The following ASIC2 variants were observed in gnomAD, a reference collection of about 807,000 sequenced individuals.
ASIC2 encodes acid sensing ion channel subunit 2.
In ASIC2, 25 loss-of-function variants were observed where a neutral mutation model predicts 57.3. That is an observed-to-expected ratio of 0.44 (90% CI 0.32 to 0.61). ASIC2 has a LOEUF of 0.61. ASIC2 is among the 20% of genes least tolerant of loss of function. The pLI, the probability that ASIC2 is intolerant of heterozygous loss-of-function variation, is 0.06. For missense variants in ASIC2, 641 were observed against 738.1 expected (o/e 0.87, Z 1.52); for synonymous variants, 319 against 307.5 (o/e 1.04, Z -0.39).
intron 1 of ASIC2, among the ~76,000 whole-genome samples, chr17:33,238,793 C>G (rs778773739): frequency 2.0e-4 from 30 of 152,292 alleles, no homozygotes; most frequent in Middle Eastern, 3.4e-3. Flanking sequence ...CACTTGAGAT[C>G]AGGAGTTTGA....
chr17:33,279,020 G>A (rs1904830215), intron 1 of ASIC2, among the ~76,000 whole-genome samples: 1 of 152,184 alleles, frequency 6.6e-6, no homozygotes, highest in Non-Finnish European at 1.5e-5. Context: ...AGGGTGGAAA[G>A]CATCCCTTTG....
intron 1 of ASIC2, among the ~76,000 whole-genome samples, chr17:33,224,611 G>A (rs1597638705): frequency 1.3e-5 from 2 of 152,140 alleles, no homozygotes; most frequent in South Asian, 4.1e-4. Flanking sequence ...GAGGAGGGGA[G>A]GAAAGTGCCT....
chr17:33,675,239 A>G (rs1907781605), intron 1 of ASIC2, among the ~76,000 whole-genome samples: 1 of 152,100 alleles, frequency 6.6e-6, no homozygotes, highest in Non-Finnish European at 1.5e-5. Flanking sequence ...TCTACCTGAA[A>G]TCTTCCTCTT....
At chr17:34,079,133 C>T (rs1340378573) in intron 1 of ASIC2, 2 of 152,210 alleles carry the variant, frequency 1.3e-5, no homozygotes, top group African/African-American at 2.4e-5. Flanking sequence ...CAGAGTGATA[C>T]TTCTAAAATG....
intron 3 of ASIC2, among the ~76,000 whole-genome samples, chr17:33,033,366 A>T (rs1298551511): frequency 6.6e-6 from 1 of 152,108 alleles, no homozygotes; most frequent in Admixed American, 6.5e-5. Context: ...TGCAGCTGCA[A>T]CTGCGGCACC....
chr17:33,688,180 G>A (rs1908254443), intron 1 of ASIC2, among the ~76,000 whole-genome samples: 1 of 152,130 alleles, frequency 6.6e-6, no homozygotes, highest in Non-Finnish European at 1.5e-5. Context: ...TAGTTCAAAT[G>A]GTTTCATCCT....
intron 1 of ASIC2, among the ~76,000 whole-genome samples, chr17:33,763,737 G>T (rs1172720954): frequency 6.6e-6 from 1 of 152,196 alleles, no homozygotes; most frequent in Non-Finnish European, 1.5e-5. Context: ...GAGTGAGTGA[G>T]GATGGTGCTG....
At chr17:33,538,597 CCACCTTCTACTCTGTAT>C (rs1915312087) in intron 1 of ASIC2, among the ~76,000 whole-genome samples, 1 of 152,224 alleles carries the variant, frequency 6.6e-6, no homozygotes, top group African/African-American at 2.4e-5. Context: ...ACTGTCTATT[CCACCTTCTACTCTGTAT>C]CACCTCATGT....
intron 1 of ASIC2, among the ~76,000 whole-genome samples, chr17:33,667,906 C>T (rs1907526721): frequency 6.6e-6 from 1 of 152,144 alleles, no homozygotes; most frequent in Admixed American, 6.5e-5. Context: ...TGGCCTGTTG[C>T]CACACACAAC....
At chr17:33,148,067 A>C (rs1904636728) in intron 1 of ASIC2, among the ~76,000 whole-genome samples, 3 of 152,344 alleles carry the variant, frequency 2.0e-5, no homozygotes, top group Middle Eastern at 3.4e-3. Flanking sequence ...TTAAGACAAC[A>C]AATCAAGCAT....
chr17:33,816,433 T>G (rs151237341), intron 1 of ASIC2, among the ~76,000 whole-genome samples: 3 of 152,334 alleles, frequency 2.0e-5, no homozygotes, highest in African/African-American at 7.2e-5. Context: ...CATGTAATTC[T>G]GGCAACATTG....
chr17:33,644,370 G>T (rs563030376), intron 1 of ASIC2, among the ~76,000 whole-genome samples: 6 of 152,050 alleles, frequency 3.9e-5, no homozygotes, highest in Non-Finnish European at 8.8e-5. Context: ...TTCAATTTCA[G>T]TTTCTCTTTT....
intron 1 of ASIC2, among the ~76,000 whole-genome samples, chr17:33,127,262 C>T (rs2092327549): frequency 6.6e-6 from 1 of 152,168 alleles, no homozygotes; most frequent in Non-Finnish European, 1.5e-5. Context: ...AAGTCAGGGG[C>T]AGACGTGGGA....
At chr17:33,348,970 A>G (rs1908058348) in intron 1 of ASIC2, among the ~76,000 whole-genome samples, 1 of 152,122 alleles carries the variant, frequency 6.6e-6, no homozygotes, top group African/African-American at 2.4e-5. Context: ...CAAATCCACT[A>G]GGGATCCTGT....
chr17:34,132,853 A>G (rs1336271482), intron 1 of ASIC2, among the ~76,000 whole-genome samples: 1 of 152,194 alleles, frequency 6.6e-6, no homozygotes, highest in Non-Finnish European at 1.5e-5. Context: ...CCATACTTCA[A>G]CCATCCATCC....
intron 1 of ASIC2, among the ~76,000 whole-genome samples, chr17:33,815,111 G>A (rs1912538121): frequency 6.6e-6 from 1 of 152,082 alleles, no homozygotes; most frequent in South Asian, 2.1e-4. Context: ...TGTGAGTGTG[G>A]GTTAAATATG....
At chr17:33,780,496 A>G (rs1324415420) in intron 1 of ASIC2, among the ~76,000 whole-genome samples, 3 of 151,986 alleles carry the variant, frequency 2.0e-5, no homozygotes, top group African/African-American at 7.3e-5. Flanking sequence ...CACTACACCT[A>G]CTCCAGGTGT....
intron 1 of ASIC2, among the ~76,000 whole-genome samples, chr17:33,502,628 C>T (rs1472459261): frequency 1.3e-5 from 2 of 152,180 alleles, no homozygotes. Flanking sequence ...TGTGTCCAGG[C>T]TCACATCAGG....
intron 1 of ASIC2, among the ~76,000 whole-genome samples, chr17:33,327,086 C>T (rs1283477361): frequency 6.6e-6 from 1 of 152,208 alleles, no homozygotes; most frequent in Non-Finnish European, 1.5e-5. Flanking sequence ...TGCTATTCAA[C>T]AGGGAGCCTT....
Sources: allele counts gnomAD v4.1 joint callset (sites outside exome capture counted in the v4.1 genomes callset), GRCh38; gene constraint gnomAD v4.1.1; transcripts MANE v1.5; gene names NCBI Gene and HGNC (gene_info 2026-07-23, HGNC 2026-07-21).